PRKDC: variants seen among roughly 807,000 people sequenced by gnomAD.
The protein encoded by PRKDC is DNA-dependent protein kinase catalytic subunit.
Under a neutral mutation model 486.9 loss-of-function variants are expected in PRKDC, and 82 were observed. That is an observed-to-expected ratio of 0.17 (90% CI 0.14 to 0.20). PRKDC has a LOEUF of 0.20. Ranked by LOEUF, PRKDC falls within the 10% of genes least tolerant of loss-of-function variation. PRKDC has a pLI of 1.00. For synonymous variants in PRKDC, 1,895 were observed against 1,837.0 expected (o/e 1.03, Z -0.81); for missense variants, 4,504 against 5,038.2 (o/e 0.89, Z 3.21).
rs139516792 is a variant in PRKDC, at chr8:47,805,377, C to T, written c.9747+1760G>A. Among the ~76,000 whole-genome samples the T allele has an allele frequency of 7.4e-3, 1,128 of 152,268 alleles. 7 individuals are homozygous for T. The highest frequency in any genetic ancestry group is 0.011 in the Non-Finnish European group (759 of 68,028). ...GGATTTGATTTGCATTTCCCTCAAG[C>T]CTAGGGATACTGAGCATCTTTGCAT... On this transcript the variant is annotated intron_variant, in intron 69 of 85. Coordinates refer to ENST00000314191, the MANE Select transcript of PRKDC (RefSeq NM_006904.7).
At chr8:47,839,371 C>G in intron 55 of PRKDC, 125 bp from the exon 56 acceptor site, 1 of 699,880 alleles carries the variant, frequency 1.4e-6, no homozygotes, top group East Asian at 2.8e-5. Context: ...CTTTAGATCT[C>G]CAAATCACAG....
At chr8:47,822,410 C>T (rs1436377750) in intron 64 of PRKDC, among the ~76,000 whole-genome samples, 1 of 152,142 alleles carries the variant, frequency 6.6e-6, no homozygotes, top group African/African-American at 2.4e-5. Context: ...ATTTACATCT[C>T]TACTGGGGGT....
chr8:47,882,430 G>A (rs540566298), intron 36 of PRKDC, among the ~76,000 whole-genome samples: 12 of 150,210 alleles, frequency 8.0e-5, no homozygotes, highest in Admixed American at 6.0e-4. Context: ...AGGTGTACAC[G>A]CACAAGCACA....
At chr8:47,869,681 TG>T (rs1464992729) in intron 40 of PRKDC, among the ~76,000 whole-genome samples, 1 of 151,926 alleles carries the variant, frequency 6.6e-6, no homozygotes, top group African/African-American at 2.4e-5. Flanking sequence ...TTTCATGCCT[TG>T]CAACATGGGC....
chr8:47,861,004 A>T, intron 44 of PRKDC, 33 bp from the exon 45 acceptor site: 2 of 1,406,246 alleles, frequency 1.4e-6, no homozygotes, highest in South Asian at 2.7e-5. Flanking sequence ...AATGTAAAAC[A>T]TTTTATAATA....
At chr8:47,904,486 T>G (rs1431305038) in intron 26 of PRKDC, among the ~76,000 whole-genome samples, 1 of 152,252 alleles carries the variant, frequency 6.6e-6, no homozygotes. Context: ...ACTCCTGGGC[T>G]CATGCAATCT....
intron 14 of PRKDC, 113 bp downstream of exon 14, chr8:47,934,896 A>G (rs1301246427): frequency 1.4e-6 from 1 of 738,070 alleles, no homozygotes; most frequent in African/African-American, 1.8e-5. Flanking sequence ...GGCATTGCTA[A>G]TAACTAAGAA....
intron 16 of PRKDC, among the ~76,000 whole-genome samples, chr8:47,931,047 T>C (rs921821642): frequency 2.0e-5 from 3 of 152,182 alleles, no homozygotes; most frequent in African/African-American, 7.2e-5. Context: ...GCAGCACTTC[T>C]TGAGGGAGCT....
Position 47,821,699 on chromosome 8 carries a change from C to T in PRKDC, c.9016G>A (p.Ala3006Thr). The change falls in exon 65 of 86, where the codon GCT becomes ACT. Residue 3006 changes from alanine (A) to threonine (T), a missense_variant. Physicochemically the swap from Ala to Thr is moderately conservative, Grantham distance 58. Around this residue, in one of 6 missense-constraint regions of PRKDC, gnomAD observed 1,592 missense variants for 1,724.6 expected, o/e 0.92. Transcript: ENST00000314191. ...CAGTATTCAAGTGATTTCCACTCAG[C>T]AAGGTGGTTGTAACAGTCAAGGGAT... ...LASLDCYNHL[A>T]EWKSLEYCST... 6.2e-7 allele frequency: 1 copy of T among 1,601,776 alleles called. No homozygotes were observed. Among genetic ancestry groups the T allele is most frequent in the Non-Finnish European group, 8.5e-7 (1 of 1,173,548 alleles).
At position 47,893,309 on chromosome 8, in the gene PRKDC, C is replaced by T. The variant is rs1168875123; in HGVS notation, c.3677G>A (p.Gly1226Glu). The T allele has an allele frequency of 6.2e-7, 1 of 1,603,714 alleles. No individual in the cohort carries two copies. The highest frequency in any genetic ancestry group is 8.5e-7 in the Non-Finnish European group (1 of 1,172,934). Residue 1226 changes from glycine to glutamate, a missense_variant, in exon 31 of 86, where the codon GGG becomes GAG. Around this residue, in one of 6 missense-constraint regions of PRKDC, gnomAD observed 1,969 missense variants for 2,068.9 expected, o/e 0.95. Transcript: ENST00000314191. ...GCCCGAGGGCTGGCCACAGCCACCC[C>T]CCTCAAAGGTGTTGATGAGAAAAGA... is the stretch of plus-strand genomic sequence containing the variant. ...GVSFLINTFE[G>E]GGCGQPSGIL...
At position 47,800,051 on chromosome 8, in the gene PRKDC, G is replaced by A. The variant is rs895498902; in HGVS notation, c.10117-661C>T. Among the ~76,000 whole-genome samples, 107 of 152,234 alleles carry A rather than the reference G, an allele frequency of 7.0e-4. 1 individual carries two copies. Among genetic ancestry groups the A allele is most frequent in the African/African-American group, 2.4e-3 (100 of 41,550 alleles). On this transcript the variant is annotated intron_variant, in intron 71 of 85. Transcript: ENST00000314191. Reference sequence around the variant, plus strand: ...TGTCATTCAAATAAATAGGAAGCACGGAGTATGTCAATTTTCCACATAAGA... The same window carrying A: ...TGTCATTCAAATAAATAGGAAGCACAGAGTATGTCAATTTTCCACATAAGA...
chr8:47,889,169 C>A lies in PRKDC; in HGVS notation c.4125G>T (p.Thr1375=), dbSNP rs369402421. Residue 1375 remains threonine (T), a synonymous_variant, in exon 33 of 86, where the codon ACG becomes ACT. Coordinates refer to ENST00000314191, the MANE Select transcript of PRKDC (RefSeq NM_006904.7). ...AACCTATGCTTGCGGGCTCACACAG[C>A]GTCTGCACCAGGACTCTCATCAGGT... The part of the protein sequence containing the change: ...NTHLMRVLVQ[T]LCEPASIGFN... 8 of 1,613,758 alleles carry A rather than the reference C, an allele frequency of 5.0e-6. No individual in the cohort carries two copies. The highest frequency in any genetic ancestry group is 6.8e-6 in the Non-Finnish European group (8 of 1,179,870).
chr8:47,858,202 T>C (rs1472321950), intron 48 of PRKDC, among the ~76,000 whole-genome samples: 6 of 151,850 alleles, frequency 4.0e-5, no homozygotes, highest in African/African-American at 1.5e-4. Context: ...CCCGCTTTTT[T>C]TTTTCCTACT....
intron 51 of PRKDC, 45 bp downstream of exon 51, chr8:47,854,038 A>G: frequency 1.9e-6 from 3 of 1,606,358 alleles, no homozygotes; most frequent in Non-Finnish European, 2.6e-6. Flanking sequence ...CTGTCAATCC[A>G]GTTTGGGTAG....
rs762166693 is a variant in PRKDC, at chr8:47,914,060, C to A, written c.2622G>T (p.Thr874=). Reference sequence around the variant, plus strand: ...AGCTCTTCATCATCTCATCTGAGGACGTGACTGTTAGAAAAGATTTAAGAA... The same window carrying A: ...AGCTCTTCATCATCTCATCTGAGGAAGTGACTGTTAGAAAAGATTTAAGAA... ...GQINKNLLTV[T]SSDEMMKSYV... is the part of the protein sequence containing the mutation. The change falls in exon 24 of 86, where the codon ACG becomes ACT. Residue 874 remains threonine (T), a synonymous_variant. Transcript: ENST00000314191. 3 of 1,482,934 alleles carry A rather than the reference C, an allele frequency of 2.0e-6. No individual in the cohort carries two copies. Among genetic ancestry groups the A allele is most frequent in the Non-Finnish European group, 2.7e-6 (3 of 1,113,148 alleles). 91.9% of individuals were successfully genotyped at this position (1,482,934 alleles called of 1,614,324 possible). A position where few individuals can be genotyped will look rare whatever the true frequency, so the allele number is the denominator to read the frequency against.
intron 59 of PRKDC, among the ~76,000 whole-genome samples, chr8:47,832,854 G>A (rs890826912): frequency 4.6e-5 from 7 of 152,220 alleles, no homozygotes; most frequent in African/African-American, 1.4e-4. Flanking sequence ...ACACTTGTGC[G>A]CAATGTCAGA....
intron 1 of PRKDC, chr8:47,959,176 A>G (rs1400997438): frequency 1.3e-5 from 2 of 152,236 alleles, no homozygotes; most frequent in African/African-American, 2.4e-5. Context: ...AATACAGGAG[A>G]TCCACATAAT....
rs2088107180 is a variant in PRKDC, at chr8:47,840,052, A to G, written c.7418T>C (p.Met2473Thr). ...ATGAATCCACATGAGAATATTATACATTTGTTCCCTACATGTTGTAGAAGG... is the reference window on the plus strand; with the variant it reads ...ATGAATCCACATGAGAATATTATACGTTTGTTCCCTACATGTTGTAGAAGG... The part of the protein sequence containing the change: ...SHPSTTCREQ[M>T]YNILMWIHDN... Residue 2473 changes from methionine (M) to threonine (T), a missense_variant, in exon 55 of 86, where the codon ATG becomes ACG. Met to Thr is a moderately conservative substitution (Grantham distance 81). Coordinates refer to ENST00000314191, the MANE Select transcript of PRKDC (RefSeq NM_006904.7). 1 of 1,553,436 alleles carries G rather than the reference A, an allele frequency of 6.4e-7. No individual in the cohort carries two copies. The highest frequency in any genetic ancestry group is 8.7e-7 in the Non-Finnish European group (1 of 1,146,972).
At chr8:47,856,313 C>T (rs1441894604) in intron 49 of PRKDC, among the ~76,000 whole-genome samples, 2 of 152,012 alleles carry the variant, frequency 1.3e-5, no homozygotes, top group Non-Finnish European at 2.9e-5. Flanking sequence ...CCACAACCTC[C>T]GCCTCCCGGG....
Sources: allele counts gnomAD v4.1 joint callset (sites outside exome capture counted in the v4.1 genomes callset), GRCh38; gene constraint gnomAD v4.1.1; regional missense constraint gnomAD v4.1.1; transcripts MANE v1.5; gene names NCBI Gene and HGNC (gene_info 2026-07-23, HGNC 2026-07-21).